The following CELF2 variants were observed in gnomAD, a reference collection of about 807,000 sequenced individuals.
CELF2 encodes CUGBP Elav-like family member 2.
Under a neutral mutation model 62.6 loss-of-function variants are expected in CELF2, and 8 were observed. That is an observed-to-expected ratio of 0.13 (90% CI 0.07 to 0.23). CELF2 has a LOEUF of 0.23. Ranked by LOEUF, CELF2 falls within the 10% of genes least tolerant of loss-of-function variation. The pLI is 1.00. For synonymous variants in CELF2, 258 were observed against 250.0 expected (o/e 1.03, Z -0.30); for missense variants, 333 against 671.0 (o/e 0.50, Z 5.56).
chr10:10,670,428 GATTTT>G, the CELF2 span, among the ~76,000 whole-genome samples: 2 of 152,084 alleles, frequency 1.3e-5, no homozygotes, highest in Admixed American at 6.5e-5. Flanking sequence ...ACTTTTTTGA[GATTTT>G]ATTTTTAGAC....
At chr10:10,784,445 T>C in the CELF2 span, 4 of 152,468 alleles carry the variant, frequency 2.6e-5, no homozygotes, top group East Asian at 7.7e-4. Flanking sequence ...ACTTGAAAGA[T>C]GAATGTAAGG....
intron 1 of CELF2, among the ~76,000 whole-genome samples, chr10:10,828,307 A>G (rs892616876): frequency 6.6e-6 from 1 of 152,232 alleles, no homozygotes; most frequent in African/African-American, 2.4e-5. Flanking sequence ...TGGTATATGC[A>G]TATAATGGAA....
rs569821384 is a variant in CELF2, at chr10:11,268,723, T to A, written c.619-1943T>A. 6.6e-6 allele frequency among the ~76,000 whole-genome samples: 1 copy of A among 152,224 alleles called. No individual in the cohort carries two copies. The highest frequency in any genetic ancestry group is 1.5e-5 in the Non-Finnish European group (1 of 68,000). Reference sequence around the variant, plus strand: ...GTTTTTTTTTTAATTGGCATTTAAATAGGAGGTTATATATTATGCAGTCAC... The same window carrying A: ...GTTTTTTTTTTAATTGGCATTTAAAAAGGAGGTTATATATTATGCAGTCAC... On this transcript the variant is annotated intron_variant, in intron 6 of 12. Transcript: ENST00000633077. The surrounding 1 kb of genome is among the most constrained non-coding windows in gnomAD (Gnocchi z 4.7).
chr10:11,058,084 A>AT (rs2065757801), intron 1 of CELF2, among the ~76,000 whole-genome samples: 1 of 151,846 alleles, frequency 6.6e-6, no homozygotes, highest in Non-Finnish European at 1.5e-5. Context: ...AAAAAAAAAA[A>AT]ACGGAATCTA....
chr10:10,516,216 G>A, the CELF2 span, among the ~76,000 whole-genome samples: 1 of 152,128 alleles, frequency 6.6e-6, no homozygotes, highest in Non-Finnish European at 1.5e-5. Flanking sequence ...CTAGGGGTAG[G>A]CAATAGGCAT....
At chr10:10,839,007 G>T (rs143883636) in intron 1 of CELF2, among the ~76,000 whole-genome samples, 4 of 152,222 alleles carry the variant, frequency 2.6e-5, no homozygotes, top group Admixed American at 2.6e-4. Flanking sequence ...TTAGCCAGAC[G>T]TGGTGGCACA....
chr10:10,748,576 G>A, the CELF2 span, among the ~76,000 whole-genome samples: 2 of 151,548 alleles, frequency 1.3e-5, no homozygotes, highest in South Asian at 2.1e-4. Context: ...GTGAAACCCT[G>A]TCTCTACTAA....
chr10:10,833,013 CTG>C (rs71378768), intron 1 of CELF2, among the ~76,000 whole-genome samples: 8,993 of 144,424 alleles, frequency 0.062, 432 homozygotes, highest in East Asian at 0.19. Flanking sequence ...ACAGAAAACT[CTG>C]TGTGTGTGTG....
At chr10:10,843,474 T>C (rs1055911799) in intron 1 of CELF2, among the ~76,000 whole-genome samples, 23 of 152,038 alleles carry the variant, frequency 1.5e-4, no homozygotes, top group Non-Finnish European at 2.9e-4. Flanking sequence ...GTCGCAAATT[T>C]TTCCAGCTAT....
At chr10:10,621,265 A>C in the CELF2 span, among the ~76,000 whole-genome samples, 1 of 148,230 alleles carries the variant, frequency 6.7e-6, no homozygotes, top group Non-Finnish European at 1.5e-5. Flanking sequence ...AAAAAAAAAA[A>C]GGCTACAGTA....
At chr10:10,613,331 A>G in the CELF2 span, among the ~76,000 whole-genome samples, 1 of 152,230 alleles carries the variant, frequency 6.6e-6, no homozygotes, top group African/African-American at 2.4e-5. Flanking sequence ...GGGTATTTAC[A>G]TATAATATCC....
At chr10:10,768,630 G>T in the CELF2 span, among the ~76,000 whole-genome samples, 1 of 149,076 alleles carries the variant, frequency 6.7e-6, no homozygotes, top group Non-Finnish European at 1.5e-5. Context: ...CTGGAGTGCA[G>T]TGACACGATC....
intron 1 of CELF2, among the ~76,000 whole-genome samples, chr10:10,830,682 G>A (rs1475505895): frequency 6.6e-6 from 1 of 151,688 alleles, no homozygotes; most frequent in African/African-American, 2.4e-5. Flanking sequence ...AAACTCAAGG[G>A]GCTGTATTTC....
intron 11 of CELF2, among the ~76,000 whole-genome samples, chr10:11,322,756 C>T (rs2095509764): frequency 6.6e-6 from 1 of 151,952 alleles, no homozygotes; most frequent in South Asian, 2.1e-4. Flanking sequence ...TTTCAACTTT[C>T]TCTTTGACTA....
intron 1 of CELF2, among the ~76,000 whole-genome samples, chr10:11,077,373 C>G (rs1328584031): frequency 6.6e-6 from 1 of 152,172 alleles, no homozygotes; most frequent in Non-Finnish European, 1.5e-5. Flanking sequence ...CTGGAAACAT[C>G]TGAAATAATC....
chr10:11,049,457 G>A (rs1274074724), intron 1 of CELF2, among the ~76,000 whole-genome samples: 1 of 146,110 alleles, frequency 6.8e-6, no homozygotes, highest in Non-Finnish European at 1.5e-5. Flanking sequence ...TGGGGGAGAG[G>A]TCAAGGACGT....
intron 1 of CELF2, among the ~76,000 whole-genome samples, chr10:10,835,441 G>C (rs908161427): frequency 5.3e-5 from 8 of 151,546 alleles, no homozygotes; most frequent in Non-Finnish European, 1.2e-4. Flanking sequence ...GGAGTGCAGT[G>C]GCGCAATCTC....
intron 1 of CELF2, among the ~76,000 whole-genome samples, chr10:11,116,594 C>T (rs1486254701): frequency 2.0e-5 from 3 of 152,092 alleles, no homozygotes; most frequent in African/African-American, 4.8e-5. Context: ...TGGTGGTTTT[C>T]GAGCTGTGGA....
chr10:11,059,772 G>C (rs2066267657), intron 1 of CELF2, among the ~76,000 whole-genome samples: 1 of 152,146 alleles, frequency 6.6e-6, no homozygotes. Context: ...TTTCACTTAA[G>C]GAAACTTAGC....
Sources: gnomAD v4.1 joint callset for allele counts (sites outside exome capture counted in the v4.1 genomes callset) on GRCh38, gnomAD v4.1.1 for gene constraint, Gnocchi (gnomAD v3.1) non-coding constraint, MANE v1.5 for transcripts, NCBI Gene and HGNC (gene_info 2026-07-23, HGNC 2026-07-21) for gene names.